OSBPL3: variants seen among roughly 807,000 people sequenced by gnomAD.
OSBPL3 encodes the protein oxysterol-binding protein-related protein 3.
A neutral mutation model predicts 120.1 loss-of-function variants in OSBPL3; 65 were observed. The ratio of observed to expected loss-of-function variants is 0.54; its 90% CI spans 0.44 to 0.67. The LOEUF (loss-of-function observed/expected upper bound fraction) is 0.67, where lower values mean the gene tolerates loss of function less well. Ranked by LOEUF, OSBPL3 falls within the 30% of genes least tolerant of loss-of-function variation. The pLI is 0.00. For synonymous variants in OSBPL3, 416 were observed against 402.6 expected, an observed-to-expected ratio of 1.03 and a Z score of -0.40; for missense variants, 1,004 against 1,082.1, an observed-to-expected ratio of 0.93 and a Z score of 1.01.
At chr7:24,901,125 C>T (rs1363431877) in intron 1 of OSBPL3, among the ~76,000 whole-genome samples, 3 of 151,498 alleles carry the variant, frequency 2.0e-5, no homozygotes, top group East Asian at 1.9e-4. Context: ...GTCAAGAGTT[C>T]GAGACAGCCT....
In OSBPL3 at chr7:24,898,856, A is replaced by G. The variant is rs1158532389; in HGVS notation, c.-149-6235T>C. ...AACATGGCTAGATCATCACTGCTTG[A>G]CCACTTCCTGTGACAGAAACAAGGC... On this transcript the variant is annotated intron_variant, in intron 1 of 22. Coordinates refer to ENST00000313367, the MANE Select transcript of OSBPL3 (RefSeq NM_015550.4). This position sits in a 1 kb window ranked among gnomAD's most constrained non-coding sequence, Gnocchi z 4.3. Among the ~76,000 whole-genome samples the G allele has an allele frequency of 2.0e-5, 3 of 152,124 alleles. No individual in the cohort carries two copies. Among genetic ancestry groups the G allele is most frequent in the African/African-American group, 7.2e-5 (3 of 41,426 alleles).
At chr7:24,816,734 T>C (rs1270680473) in intron 17 of OSBPL3, 46 bp from the exon 18 acceptor site, 1 of 1,178,332 alleles carries the variant, frequency 8.5e-7, no homozygotes, top group Admixed American at 1.7e-5. Flanking sequence ...GAGAGGTAGG[T>C]AGATGAAATA....
intron 1 of OSBPL3, among the ~76,000 whole-genome samples, chr7:24,909,685 C>T (rs1053818253): frequency 4.6e-5 from 7 of 151,950 alleles, no homozygotes; most frequent in African/African-American, 1.7e-4. Context: ...TCACCTCTGT[C>T]CTGGCCAGCT....
At chr7:24,978,012 C>T (rs1268203457) in intron 1 of OSBPL3, among the ~76,000 whole-genome samples, 2 of 152,170 alleles carry the variant, frequency 1.3e-5, no homozygotes, top group South Asian at 2.1e-4. Context: ...AAGCTAAATG[C>T]CTATTAACTA....
intron 12 of OSBPL3, among the ~76,000 whole-genome samples, chr7:24,842,642 C>A (rs1458659269): frequency 1.3e-5 from 2 of 152,186 alleles, no homozygotes; most frequent in Non-Finnish European, 2.9e-5. Flanking sequence ...ACACATGCAA[C>A]AAATCACAAG....
Position 24,891,983 on chromosome 7 carries a change from G to A in OSBPL3, c.96+394C>T, listed in dbSNP as rs958617439. Among the ~76,000 whole-genome samples, 2 of 152,128 alleles carry A rather than the reference G, an allele frequency of 1.3e-5. No individual in the cohort carries two copies. The highest frequency in any genetic ancestry group is 4.8e-5 in the African/African-American group (2 of 41,410). On this transcript the variant is annotated intron_variant, in intron 2 of 22. Transcript: ENST00000313367. The surrounding 1 kb of genome is among the most constrained non-coding windows in gnomAD (Gnocchi z 4.1). ...ATTGATTGTTTTTTTGTTTTGCTTA[G>A]CAGGATATAAAGGAAAGTGTGGGCT...
Position 24,922,143 on chromosome 7 carries a change from G to T in OSBPL3, c.-149-29522C>A, listed in dbSNP as rs531824166. Among the ~76,000 whole-genome samples, 1 of 152,150 alleles carries T rather than the reference G, an allele frequency of 6.6e-6. No homozygotes were observed. The highest frequency in any genetic ancestry group is 1.5e-5 in the Non-Finnish European group (1 of 68,026). ...TAAAGTAACTTACATACAGTGTGACGGGGATTAACAGGATTGGCCTGGCCT... is the reference window on the plus strand; with the variant it reads ...TAAAGTAACTTACATACAGTGTGACTGGGATTAACAGGATTGGCCTGGCCT... On this transcript the variant is annotated intron_variant, in intron 1 of 22. Transcript: ENST00000313367. This position sits in a 1 kb window ranked among gnomAD's most constrained non-coding sequence, Gnocchi z 4.3.
Position 24,802,701 on chromosome 7 carries a change from G to A in OSBPL3, c.2567+1614C>T, listed in dbSNP as rs1402625415. ...CTACCATTTTTAATGATCCTAAAAA[G>A]TACTGTAATGAACATCTTCATAATT... is the stretch of plus-strand genomic sequence containing the variant. On this transcript the variant is annotated intron_variant, in intron 22 of 22. Transcript: ENST00000313367. The surrounding 1 kb of genome is among the most constrained non-coding windows in gnomAD (Gnocchi z 4.1). Among the ~76,000 whole-genome samples the A allele has an allele frequency of 6.6e-6, 1 of 152,048 alleles. No individual in the cohort carries two copies. The highest frequency in any genetic ancestry group is 1.5e-5 in the Non-Finnish European group (1 of 68,010).
At position 24,863,229 on chromosome 7, in the gene OSBPL3, T is replaced by C. The variant is rs1168689929; in HGVS notation, c.841A>G (p.Ile281Val). 22 of 1,614,000 alleles carry C rather than the reference T, an allele frequency of 1.4e-5. No homozygotes were observed. The highest frequency in any genetic ancestry group is 5.3e-5 in the African/African-American group (4 of 74,936). The change falls in exon 9 of 23, where the codon ATT becomes GTT. Residue 281 changes from isoleucine to valine, a missense_variant. Ile to Val is a conservative substitution (Grantham distance 29). Transcript: ENST00000313367. This position sits in a 1 kb window ranked among gnomAD's most constrained non-coding sequence, Gnocchi z 5.8. ...RSHRRWRSRA[I>V]GKDAKGTLQV... Reference sequence around the variant, plus strand: ...AGTGTTCCTTTAGCATCTTTGCCAATAGCTCTGGACCGCCACCTCCTGTGC... The same window carrying C: ...AGTGTTCCTTTAGCATCTTTGCCAACAGCTCTGGACCGCCACCTCCTGTGC...
At chr7:24,914,677 T>A (rs1277999714) in intron 1 of OSBPL3, among the ~76,000 whole-genome samples, 1 of 152,174 alleles carries the variant, frequency 6.6e-6, no homozygotes, top group Non-Finnish European at 1.5e-5. Flanking sequence ...AAAACTTAAG[T>A]GTGTGAAGTC....
intron 19 of OSBPL3, among the ~76,000 whole-genome samples, chr7:24,811,206 T>C (rs1056175343): frequency 2.6e-5 from 4 of 152,254 alleles, no homozygotes; most frequent in African/African-American, 7.2e-5. Flanking sequence ...TTTTTGATAA[T>C]AGCCATTCTA....
chr7:24,892,160 T>C (rs1483547759), intron 2 of OSBPL3, among the ~76,000 whole-genome samples: 1 of 152,148 alleles, frequency 6.6e-6, no homozygotes, highest in Non-Finnish European at 1.5e-5. Context: ...AAGAATTAAA[T>C]AAAATTATAC....
At chr7:24,926,619 T>C (rs186770695) in intron 1 of OSBPL3, among the ~76,000 whole-genome samples, 2 of 152,312 alleles carry the variant, frequency 1.3e-5, no homozygotes, top group African/African-American at 2.4e-5. Flanking sequence ...ACCCTTACTG[T>C]GGGCACAGCA....
At position 24,871,947 on chromosome 7, in the gene OSBPL3, C is replaced by A; in HGVS notation, c.213+6G>T. On this transcript the variant is annotated splice_donor_region_variant and intron_variant, in intron 3 of 22. Coordinates refer to ENST00000313367, the MANE Select transcript of OSBPL3 (RefSeq NM_015550.4). The surrounding 1 kb of genome is among the most constrained non-coding windows in gnomAD (Gnocchi z 4.8). ...CAAATAAAGGGGAGGCCAAGACCAACCTTACCTTATGCCAGCCTTTTAAGG... is the reference window on the plus strand; with the variant it reads ...CAAATAAAGGGGAGGCCAAGACCAAACTTACCTTATGCCAGCCTTTTAAGG... 6.2e-7 allele frequency: 1 copy of A among 1,603,164 alleles called. No homozygotes were observed. Among genetic ancestry groups the A allele is most frequent in the Non-Finnish European group, 8.5e-7 (1 of 1,170,284 alleles).
At chr7:24,934,787 T>A (rs1027708163) in intron 1 of OSBPL3, among the ~76,000 whole-genome samples, 3 of 152,214 alleles carry the variant, frequency 2.0e-5, no homozygotes, top group African/African-American at 7.2e-5. Flanking sequence ...ATGTCTTCTG[T>A]TCCTTGGCTT....
At chr7:24,812,242 A>G (rs954811473) in intron 19 of OSBPL3, among the ~76,000 whole-genome samples, 2 of 149,258 alleles carry the variant, frequency 1.3e-5, no homozygotes, top group Admixed American at 1.3e-4. Context: ...GGGAGGCGGA[A>G]GTTGCTGTGA....
Position 24,938,732 on chromosome 7 carries a change from G to A in OSBPL3, c.-150+41154C>T, listed in dbSNP as rs1480280668. The stretch of plus-strand genomic sequence containing the variant: ...TACACAGGCAAGACCTTAGTCACAC[G>A]GCCATACCTAGCTGCAAGGAAAACT... On this transcript the variant is annotated intron_variant, in intron 1 of 22. Coordinates refer to ENST00000313367, the MANE Select transcript of OSBPL3 (RefSeq NM_015550.4). The surrounding 1 kb of genome is among the most constrained non-coding windows in gnomAD (Gnocchi z 5.8). Among the ~76,000 whole-genome samples, 1 of 149,542 alleles carries A rather than the reference G, an allele frequency of 6.7e-6. No individual in the cohort carries two copies. The highest frequency in any genetic ancestry group is 2.5e-5 in the African/African-American group (1 of 40,592).
intron 1 of OSBPL3, among the ~76,000 whole-genome samples, chr7:24,943,601 T>A (rs1415442991): frequency 2.0e-5 from 3 of 152,206 alleles, no homozygotes; most frequent in Non-Finnish European, 4.4e-5. Flanking sequence ...GTTAACACTA[T>A]AACTCTGTAT....
intron 1 of OSBPL3, among the ~76,000 whole-genome samples, chr7:24,948,533 T>G (rs1814013713): frequency 6.6e-6 from 1 of 151,830 alleles, no homozygotes; most frequent in Admixed American, 6.6e-5. Context: ...AATCAGATGG[T>G]GTATAGGATT....
Sources: gnomAD v4.1 joint callset for allele counts (sites outside exome capture counted in the v4.1 genomes callset) on GRCh38, gnomAD v4.1.1 for gene constraint, Gnocchi (gnomAD v3.1) non-coding constraint, MANE v1.5 for transcripts, NCBI Gene and HGNC (gene_info 2026-07-23, HGNC 2026-07-21) for gene names.